The following PTPRD variants were observed in gnomAD, a reference collection of about 807,000 sequenced individuals.
The protein encoded by PTPRD is receptor-type tyrosine-protein phosphatase delta.
PTPRD carries 34 observed loss-of-function variants against 214.5 expected under a neutral mutation model. The ratio of observed to expected loss-of-function variants is 0.16; its 90% CI spans 0.12 to 0.21. The LOEUF (loss-of-function observed/expected upper bound fraction) is 0.21, where lower values mean the gene tolerates loss of function less well. Among genes scored for constraint, PTPRD ranks in the 10% least tolerant of loss-of-function variants. PTPRD has a pLI of 1.00. For synonymous variants in PTPRD, 1,128 were observed against 845.7 expected (o/e 1.33, Z -5.79); for missense variants, 2,545 against 2,398.7 (o/e 1.06, Z -1.27).
At chr9:10,377,184 C>G (rs1301575331) in intron 2 of PTPRD, among the ~76,000 whole-genome samples, 2 of 151,958 alleles carry the variant, frequency 1.3e-5, no homozygotes, top group East Asian at 3.9e-4. Flanking sequence ...GCTTATTTCA[C>G]TTAGCATAAT....
chr9:8,509,639 C>A (rs892650291), intron 21 of PTPRD, among the ~76,000 whole-genome samples: 15 of 152,168 alleles, frequency 9.9e-5, no homozygotes, highest in African/African-American at 3.6e-4. Flanking sequence ...ATCTTGGAAA[C>A]CTAATTAACT....
intron 11 of PTPRD, among the ~76,000 whole-genome samples, chr9:8,837,115 T>C (rs2154531556): frequency 6.7e-6 from 1 of 150,072 alleles, no homozygotes; most frequent in Non-Finnish European, 1.5e-5. Flanking sequence ...AACCTCCGCC[T>C]TCCAGGTTCA....
At chr9:10,525,710 T>C (rs2054037180) in intron 2 of PTPRD, among the ~76,000 whole-genome samples, 1 of 135,482 alleles carries the variant, frequency 7.4e-6, no homozygotes, top group Non-Finnish European at 1.6e-5. Flanking sequence ...CAGGGAAGGA[T>C]CCACAAAGAT....
chr9:10,544,988 CTCTTT>C (rs1296139547), intron 2 of PTPRD, among the ~76,000 whole-genome samples: 2 of 152,154 alleles, frequency 1.3e-5, no homozygotes, highest in African/African-American at 4.8e-5. Context: ...GGTCGCATCT[CTCTTT>C]TCTTTAACTT....
intron 11 of PTPRD, among the ~76,000 whole-genome samples, chr9:8,892,829 A>T (rs762201011): frequency 1.1e-4 from 16 of 151,942 alleles, no homozygotes; most frequent in Non-Finnish European, 2.4e-4. Context: ...AGTAGTGGAC[A>T]TGCAAAGGCC....
At chr9:8,501,537 T>C (rs113360904) in intron 23 of PTPRD, among the ~76,000 whole-genome samples, 2 of 152,190 alleles carry the variant, frequency 1.3e-5, no homozygotes, top group African/African-American at 4.8e-5. Context: ...TACTCATTTG[T>C]GAAAGGCTTC....
intron 11 of PTPRD, among the ~76,000 whole-genome samples, chr9:8,836,820 T>C (rs906713716): frequency 4.0e-5 from 6 of 151,568 alleles, no homozygotes; most frequent in African/African-American, 1.5e-4. Context: ...ATGGTCTTGA[T>C]CTCCTGACCT....
intron 14 of PTPRD, among the ~76,000 whole-genome samples, chr9:8,615,695 G>C (rs1203206569): frequency 6.6e-6 from 1 of 151,808 alleles, no homozygotes; most frequent in Non-Finnish European, 1.5e-5. Flanking sequence ...TTATTTAATA[G>C]CTGTATTCTA....
chr9:9,840,082 G>C (rs1254573226), intron 5 of PTPRD, among the ~76,000 whole-genome samples: 1 of 151,912 alleles, frequency 6.6e-6, no homozygotes, highest in Non-Finnish European at 1.5e-5. Context: ...CTGTCACCCA[G>C]GCTGAAGTGC....
intron 4 of PTPRD, among the ~76,000 whole-genome samples, chr9:9,959,205 T>C (rs1423245732): frequency 1.3e-5 from 2 of 152,206 alleles, no homozygotes; most frequent in Non-Finnish European, 2.9e-5. Context: ...TAATCTTAAA[T>C]GCACCTTTGA....
chr9:9,497,958 C>G (rs2096262075), intron 8 of PTPRD, among the ~76,000 whole-genome samples: 1 of 152,144 alleles, frequency 6.6e-6, no homozygotes, highest in Non-Finnish European at 1.5e-5. Context: ...TTCACAGTGC[C>G]TTTCAACATT....
At chr9:10,262,910 G>A (rs2154376975) in intron 3 of PTPRD, among the ~76,000 whole-genome samples, 1 of 152,164 alleles carries the variant, frequency 6.6e-6, no homozygotes, top group Middle Eastern at 3.4e-3. Flanking sequence ...GGGACCTGAG[G>A]GGAGATAATT....
At chr9:10,484,539 T>C (rs999737002) in intron 2 of PTPRD, among the ~76,000 whole-genome samples, 6 of 152,102 alleles carry the variant, frequency 3.9e-5, no homozygotes, top group African/African-American at 1.4e-4. Context: ...CATATCCTTG[T>C]TGAGTATTTG....
intron 11 of PTPRD, among the ~76,000 whole-genome samples, chr9:8,886,810 C>T (rs530449255): frequency 1.4e-3 from 212 of 152,324 alleles, no homozygotes; most frequent in African/African-American, 4.7e-3. Context: ...TGCTTAAAAA[C>T]TCTAATTATA....
At chr9:8,485,418 T>C (rs566109487) in intron 28 of PTPRD, 94 bp from the exon 29 acceptor site, 1 of 821,148 alleles carries the variant, frequency 1.2e-6, no homozygotes, top group African/African-American at 1.7e-5. Context: ...TGCTAGATGC[T>C]GTCTACTTTG....
At chr9:8,651,678 C>A (rs1347606885) in intron 12 of PTPRD, among the ~76,000 whole-genome samples, 1 of 152,118 alleles carries the variant, frequency 6.6e-6, no homozygotes, top group Non-Finnish European at 1.5e-5. Flanking sequence ...GAAACACATA[C>A]ACACTACAAA....
intron 39 of PTPRD, among the ~76,000 whole-genome samples, chr9:8,370,814 T>A (rs1184121922): frequency 6.6e-6 from 1 of 152,074 alleles, no homozygotes; most frequent in Non-Finnish European, 1.5e-5. Context: ...TATAGGGCCA[T>A]GCAACATGGG....
intron 35 of PTPRD, among the ~76,000 whole-genome samples, chr9:8,408,176 T>C (rs1484445084): frequency 2.0e-5 from 3 of 152,198 alleles, no homozygotes; most frequent in East Asian, 1.9e-4. Flanking sequence ...AATGTAAAAG[T>C]TGACTTTCAC....
At chr9:10,287,719 T>C (rs1565049678) in intron 3 of PTPRD, among the ~76,000 whole-genome samples, 1 of 152,140 alleles carries the variant, frequency 6.6e-6, no homozygotes. Context: ...GCCATATTGC[T>C]ATGCACTCTC....
Sources: gnomAD v4.1 joint callset for allele counts (sites outside exome capture counted in the v4.1 genomes callset) on GRCh38, gnomAD v4.1.1 for gene constraint, MANE v1.5 for transcripts, NCBI Gene and HGNC (gene_info 2026-07-23, HGNC 2026-07-21) for gene names.